Variants in RNF157 observed in about 807,000 individuals in gnomAD.
RNF157 encodes the protein E3 ubiquitin ligase RNF157.
Under a neutral mutation model 88.3 loss-of-function variants are expected in RNF157, and 55 were observed. The ratio of observed to expected loss-of-function variants is 0.62; its 90% CI spans 0.50 to 0.78. The LOEUF (loss-of-function observed/expected upper bound fraction) is 0.78. RNF157 is among the 30% of genes least tolerant of loss of function. The probability of loss-of-function intolerance (pLI) is 0.00; values close to 1 mark genes in which losing one functional copy is unlikely to be tolerated. For synonymous variants in RNF157, 334 were observed against 341.2 expected (o/e 0.98, Z 0.23); for missense variants, 788 against 860.8 (o/e 0.92, Z 1.06).
chr17:76,199,382 G>A (rs1214821778), intron 2 of RNF157, among the ~76,000 whole-genome samples: 3 of 151,946 alleles, frequency 2.0e-5, no homozygotes, highest in African/African-American at 7.3e-5. Flanking sequence ...TCAGCCTCTT[G>A]AGTAGCTGGG....
At chr17:76,199,570 T>TAAAAA (rs34151599) in intron 2 of RNF157, among the ~76,000 whole-genome samples, 9 of 110,974 alleles carry the variant, frequency 8.1e-5, no homozygotes, top group Admixed American at 9.6e-5. Context: ...AGCTGAAAGT[T>TAAAAA]AAAAAAAAAA....
At chr17:76,151,166 T>G (rs1276548864) in intron 18 of RNF157, among the ~76,000 whole-genome samples, 1 of 152,242 alleles carries the variant, frequency 6.6e-6, no homozygotes, top group African/African-American at 2.4e-5. Flanking sequence ...TCCCTGGGCC[T>G]GCGCAGGAGA....
intron 1 of RNF157, among the ~76,000 whole-genome samples, chr17:76,232,112 T>A (rs2145080214): frequency 6.6e-6 from 1 of 152,290 alleles, no homozygotes; most frequent in South Asian, 2.1e-4. Flanking sequence ...GCCAGGCGTG[T>A]TGTCTCATGC....
Position 76,144,559 on chromosome 17 carries a change from G to C in RNF157, c.*676C>G, listed in dbSNP as rs919369159. ...CCTGATCTCATGATCCACCCGCCTCGGCCTCCCAAAGTGCTGGGATTACAG... is the reference window on the plus strand; with the variant it reads ...CCTGATCTCATGATCCACCCGCCTCCGCCTCCCAAAGTGCTGGGATTACAG... On this transcript the variant is annotated 3_prime_UTR_variant, in exon 19 of 19. Transcript: ENST00000269391. The C allele has an allele frequency of 6.6e-6, 1 of 152,154 alleles. No individual in the cohort carries two copies. The highest frequency in any genetic ancestry group is 2.4e-5 in the African/African-American group (1 of 41,398). 9.4% of individuals were successfully genotyped at this position (152,154 alleles called of 1,614,324 possible).
intron 2 of RNF157, among the ~76,000 whole-genome samples, chr17:76,177,216 A>C (rs1044137020): frequency 6.6e-6 from 1 of 151,876 alleles, no homozygotes; most frequent in African/African-American, 2.4e-5. Flanking sequence ...TGCTCCACAG[A>C]GCCGGTGGAA....
intron 1 of RNF157, among the ~76,000 whole-genome samples, chr17:76,232,959 C>T (rs2070219549): frequency 6.6e-6 from 1 of 151,030 alleles, no homozygotes; most frequent in South Asian, 2.1e-4. Context: ...CTTGCTCTGT[C>T]ACCCAGGATG....
intron 16 of RNF157, among the ~76,000 whole-genome samples, chr17:76,154,833 C>T (rs2068737009): frequency 6.6e-6 from 1 of 152,116 alleles, no homozygotes; most frequent in Non-Finnish European, 1.5e-5. Context: ...CTAGACTGGG[C>T]TCCTAGATGG....
intron 2 of RNF157, among the ~76,000 whole-genome samples, chr17:76,206,378 A>G (rs2069682719): frequency 6.6e-6 from 1 of 152,220 alleles, no homozygotes; most frequent in Admixed American, 6.5e-5. Context: ...CTCTTCTGCC[A>G]CCTAGGAAGG....
At chr17:76,219,163 AAAT>A (rs964724327) in intron 1 of RNF157, among the ~76,000 whole-genome samples, 1 of 152,010 alleles carries the variant, frequency 6.6e-6, no homozygotes, top group South Asian at 2.1e-4. Context: ...TAACAGACAA[AAAT>A]AATAATAATA....
intron 1 of RNF157, among the ~76,000 whole-genome samples, chr17:76,229,646 A>C (rs567104085): frequency 2.4e-4 from 36 of 152,304 alleles, no homozygotes; most frequent in African/African-American, 8.7e-4. Context: ...AGGAGGAGGA[A>C]TCAAGGGCAC....
At chr17:76,220,344 G>A (rs555689468) in intron 1 of RNF157, among the ~76,000 whole-genome samples, 1 of 149,570 alleles carries the variant, frequency 6.7e-6, no homozygotes, top group East Asian at 1.9e-4. Flanking sequence ...GGATAATAAG[G>A]GCAAGGAATA....
rs989410591 is a variant in RNF157, at chr17:76,176,478, C to T, written c.208-2688G>A. 6.6e-6 allele frequency among the ~76,000 whole-genome samples: 1 copy of T among 152,190 alleles called. No individual in the cohort carries two copies. The highest frequency in any genetic ancestry group is 1.5e-5 in the Non-Finnish European group (1 of 68,034). On this transcript the variant is annotated intron_variant, in intron 2 of 18. Coordinates refer to ENST00000269391, the MANE Select transcript of RNF157 (RefSeq NM_052916.3). The surrounding 1 kb of genome is among the most constrained non-coding windows in gnomAD (Gnocchi z 4.2). Reference sequence around the variant, plus strand: ...CCATTCTTCTGTAAATCGATTTTGCCTACTATTACTCTCGAAATTTCTTAG... The same window carrying T: ...CCATTCTTCTGTAAATCGATTTTGCTTACTATTACTCTCGAAATTTCTTAG...
chr17:76,156,228 T>C lies in RNF157; in HGVS notation c.1507A>G (p.Thr503Ala). 1 of 1,613,796 alleles carries C rather than the reference T, an allele frequency of 6.2e-7. No individual in the cohort carries two copies. The highest frequency in any genetic ancestry group is 1.1e-5 in the South Asian group (1 of 91,068). Residue 503 changes from threonine to alanine, a missense_variant, in exon 14 of 19, where the codon ACT (threonine) becomes GCT (alanine). By Grantham distance (58) the Thr-to-Ala change is moderately conservative (BLOSUM62 0). Coordinates refer to ENST00000269391, the MANE Select transcript of RNF157 (RefSeq NM_052916.3). ...SSCTGTPLSS[T>A]ISSPEGPASS... ...TATGTACCTTCTGGGGAGGAAATAG[T>C]GGATGACAGAGGCGTCCCTGTGCAA...
intron 18 of RNF157, 61 bp from the exon 19 acceptor site, chr17:76,145,414 T>A: frequency 7.6e-7 from 1 of 1,317,238 alleles, no homozygotes; most frequent in Non-Finnish European, 1.1e-6. Flanking sequence ...AGATGGTGTC[T>A]CCAGCAGGGC....
At chr17:76,167,942 C>T in intron 3 of RNF157, 145 bp from the exon 4 acceptor site, 2 of 785,662 alleles carry the variant, frequency 2.5e-6, no homozygotes, top group Non-Finnish European at 4.0e-6. Context: ...TCACAGAGTG[C>T]TTCATGACCC....
rs1259772952 is a variant in RNF157 at position 76,167,011 on chromosome 17, C to T, written c.559G>A (p.Glu187Lys). The part of the protein sequence containing the change: ...TVDPSEWAEE[E>K]LGFDLDREVY... ...AACCCTCCCCAGAGGCAGCTCACCT[C>T]CTCTTCGGCCCACTCGGAGGGATCC... Residue 187 changes from glutamate (E) to lysine (K), a missense_variant and splice_region_variant, in exon 5 of 19, where the codon GAG becomes AAG. Transcript: ENST00000269391. The T allele has an allele frequency of 4.4e-6, 7 of 1,604,030 alleles. No individual in the cohort carries two copies. Among genetic ancestry groups the T allele is most frequent in the Admixed American group, 1.7e-5 (1 of 58,092 alleles).
intron 4 of RNF157, among the ~76,000 whole-genome samples, 156 bp downstream of exon 4, chr17:76,167,495 G>A (rs2068946354): frequency 1.3e-5 from 2 of 152,164 alleles, no homozygotes; most frequent in African/African-American, 4.8e-5. Flanking sequence ...AATGTTTTCC[G>A]CCCTTGCTGA....
chr17:76,175,312 T>C (rs1439328341), intron 2 of RNF157, among the ~76,000 whole-genome samples: 1 of 152,210 alleles, frequency 6.6e-6, no homozygotes, highest in African/African-American at 2.4e-5. Context: ...CTTGTCCCTA[T>C]ATTTCTGCAT....
chr17:76,225,655 T>C, intron 1 of RNF157: 5 of 1,085,302 alleles, frequency 4.6e-6, no homozygotes, highest in Non-Finnish European at 6.4e-6. Flanking sequence ...GGCCAAATAA[T>C]ATGTATTTTT....
Sources: gnomAD v4.1 joint callset for allele counts (sites outside exome capture counted in the v4.1 genomes callset) on GRCh38, gnomAD v4.1.1 for gene constraint, Gnocchi (gnomAD v3.1) non-coding constraint, MANE v1.5 for transcripts, NCBI Gene and HGNC (gene_info 2026-07-23, HGNC 2026-07-21) for gene names.